The following LINGO1 variants were observed in gnomAD, a reference collection of about 807,000 sequenced individuals.
The protein encoded by LINGO1 is leucine rich repeat and Ig domain containing 1.
A neutral mutation model predicts 37.3 loss-of-function variants in LINGO1; 11 were observed. The observed-to-expected ratio is 0.29, with a 90% CI of 0.19 to 0.49. The LOEUF is 0.49. LINGO1 is among the 20% of genes least tolerant of loss of function. The pLI, the probability that LINGO1 is intolerant of heterozygous loss-of-function variation, is 0.99. For missense variants in LINGO1, 585 were observed against 878.2 expected (o/e 0.67, Z 4.22); for synonymous variants, 387 against 403.0 (o/e 0.96, Z 0.48).
Position 77,632,360 on chromosome 15 carries a change from G to A in LINGO1, c.-45C>T. The A allele has an allele frequency of 7.1e-7, 1 of 1,406,106 alleles. No individual in the cohort carries two copies. The highest frequency in any genetic ancestry group is 9.3e-7 in the Non-Finnish European group (1 of 1,077,098). The allele number at this position is 1,406,106 out of a possible 1,614,324, so 87.1% of individuals were successfully genotyped here. A position where few individuals can be genotyped will look rare whatever the true frequency, so the allele number is the denominator to read the frequency against. ...CGCTCGGCTCGGTCACCAATCGCAT[G>A]TCTCTCCAGCCGGCCCGACCAGGCC... On this transcript the variant is annotated 5_prime_UTR_variant, in exon 1 of 2. Coordinates refer to ENST00000355300, the MANE Select transcript of LINGO1 (RefSeq NM_032808.7). This position sits in a 1 kb window ranked among gnomAD's most constrained non-coding sequence, Gnocchi z 6.0.
chr15:77,671,999 T>TGCCGCC (rs1567510216), intron 3 of LINGO1, among the ~76,000 whole-genome samples: 5 of 135,740 alleles, frequency 3.7e-5, no homozygotes, highest in African/African-American at 1.8e-4. Context: ...GATGAGCCTC[T>TGCCGCC]GCCTCCTCCT....
Position 77,682,020 on chromosome 15 carries a change from T to A in LINGO1, c.-98-4846A>T, listed in dbSNP as rs550053829. Among the ~76,000 whole-genome samples the A allele has an allele frequency of 1.7e-4, 26 of 151,844 alleles. No individual in the cohort carries two copies. The South Asian group carries it at 4.2e-3, about 24-fold the overall frequency. ...GTGAAATGTCTTGAGAGGAATGGGG[T>A]TGTTTCAAACCCAGGCAGTCCAGCT... On this transcript the variant is annotated intron_variant, in intron 2 of 3. Coordinates refer to the LINGO1 transcript ENST00000559893.
chr15:77,655,160 T>A (rs1286077479), intron 3 of LINGO1, among the ~76,000 whole-genome samples: 1 of 152,166 alleles, frequency 6.6e-6, no homozygotes, highest in Non-Finnish European at 1.5e-5. Flanking sequence ...CCTCTCTTCA[T>A]GGCAGCTCCA....
intron 1 of LINGO1, among the ~76,000 whole-genome samples, chr15:77,780,332 A>G (rs1239147543): frequency 6.6e-6 from 1 of 152,010 alleles, no homozygotes; most frequent in Non-Finnish European, 1.5e-5. Flanking sequence ...AAGGCTCCCC[A>G]CTCAGATGGC....
At chr15:77,809,763 G>A (rs961949400) in intron 1 of LINGO1, among the ~76,000 whole-genome samples, 14 of 152,200 alleles carry the variant, frequency 9.2e-5, no homozygotes, top group South Asian at 4.1e-4. Flanking sequence ...AGCAGAGGAC[G>A]CCCAGCCCCT....
At chr15:77,776,738 A>G (rs560060129) in intron 1 of LINGO1, among the ~76,000 whole-genome samples, 1 of 152,308 alleles carries the variant, frequency 6.6e-6, no homozygotes, top group African/African-American at 2.4e-5. Context: ...AGATCTTTGG[A>G]CTGCAAAGCT....
At chr15:77,673,545 C>A (rs935512561) in intron 3 of LINGO1, among the ~76,000 whole-genome samples, 2 of 152,194 alleles carry the variant, frequency 1.3e-5, no homozygotes, top group African/African-American at 2.4e-5. Flanking sequence ...GACATACATG[C>A]CTGGTTCCTT....
In LINGO1 at chr15:77,615,658, G is replaced by A. The variant is rs1413117169; in HGVS notation, c.249C>T (p.Ile83=). The A allele has an allele frequency of 5.6e-6, 9 of 1,611,228 alleles. No individual in the cohort carries two copies. In the East Asian group the frequency reaches 1.8e-4, roughly 32 times the overall value. The part of the protein sequence containing the change: ...TRLLDLGKNR[I]KTLNQDEFAS... ...CGAACTCGTCCTGGTTGAGCGTTTT[G>A]ATGCGGTTCTTGCCTAGGTCCAGCA... is the stretch of plus-strand genomic sequence containing the variant. The change falls in exon 2 of 2, where the codon ATC becomes ATT. Residue 83 remains isoleucine, a synonymous_variant. Transcript: ENST00000355300.
chr15:77,768,670 C>T (rs2076554249), intron 1 of LINGO1, among the ~76,000 whole-genome samples: 1 of 152,092 alleles, frequency 6.6e-6, no homozygotes, highest in Non-Finnish European at 1.5e-5. Context: ...TGTCCCTACC[C>T]CCACTCTGTC....
chr15:77,698,364 T>C (rs78651621), upstream of LINGO1, among the ~76,000 whole-genome samples: 8 of 152,334 alleles, frequency 5.3e-5, no homozygotes, highest in East Asian at 1.5e-3. Context: ...CAAGCATGTG[T>C]TGAGTGCCTA....
intron 1 of LINGO1, among the ~76,000 whole-genome samples, chr15:77,622,629 G>T (rs780070563): frequency 2.6e-5 from 4 of 152,156 alleles, no homozygotes; most frequent in Non-Finnish European, 5.9e-5. Context: ...TTCAGTATGC[G>T]GGATCCGTTT....
At chr15:77,801,175 G>T (rs937663107) in intron 1 of LINGO1, among the ~76,000 whole-genome samples, 20 of 152,198 alleles carry the variant, frequency 1.3e-4, no homozygotes, top group African/African-American at 4.8e-4. Flanking sequence ...CCTCTCCCAT[G>T]AAATAATAGC....
intron 1 of LINGO1, among the ~76,000 whole-genome samples, chr15:77,818,712 G>A (rs1260113964): frequency 1.3e-5 from 2 of 152,110 alleles, no homozygotes; most frequent in African/African-American, 4.8e-5. Flanking sequence ...CAGGCCCTGG[G>A]CCTGGGAGCT....
chr15:77,774,202 A>C (rs2076614020), intron 1 of LINGO1, among the ~76,000 whole-genome samples: 1 of 152,010 alleles, frequency 6.6e-6, no homozygotes, highest in Admixed American at 6.5e-5. Flanking sequence ...GCACGGAGGA[A>C]GTTAACTCAG....
At chr15:77,786,711 G>A (rs907054817) in intron 1 of LINGO1, among the ~76,000 whole-genome samples, 2 of 152,194 alleles carry the variant, frequency 1.3e-5, no homozygotes, top group Non-Finnish European at 2.9e-5. Context: ...GGGGCAGCCT[G>A]TACTGGGGCA....
intron 1 of LINGO1, among the ~76,000 whole-genome samples, chr15:77,759,755 G>A (rs1689693091): frequency 6.6e-6 from 1 of 152,238 alleles, no homozygotes; most frequent in South Asian, 2.1e-4. Flanking sequence ...CTACCTCTCT[G>A]TAAATCTTGC....
chr15:77,752,528 T>C (rs1486335816), intron 1 of LINGO1, among the ~76,000 whole-genome samples: 1 of 152,042 alleles, frequency 6.6e-6, no homozygotes, highest in Non-Finnish European at 1.5e-5. Flanking sequence ...TTTTGACAAA[T>C]GCCAGGGAAA....
intron 1 of LINGO1, among the ~76,000 whole-genome samples, chr15:77,748,456 C>T (rs990310953): frequency 7.6e-5 from 10 of 131,966 alleles, no homozygotes; most frequent in Middle Eastern, 3.6e-3. Flanking sequence ...AGAAGCCCAG[C>T]ACAGAGCCTG....
chr15:77,711,614 G>A (rs778765131), intron 2 of LINGO1, among the ~76,000 whole-genome samples: 4 of 152,174 alleles, frequency 2.6e-5, no homozygotes, highest in Non-Finnish European at 5.9e-5. Flanking sequence ...CTGTAAACAG[G>A]GTTAGCCCGA....
Sources: allele counts gnomAD v4.1 joint callset (sites outside exome capture counted in the v4.1 genomes callset), GRCh38; gene constraint gnomAD v4.1.1; non-coding constraint Gnocchi (gnomAD v3.1); transcripts MANE v1.5; gene names NCBI Gene and HGNC (gene_info 2026-07-23, HGNC 2026-07-21).